ZFPM1: variants seen among roughly 807,000 people sequenced by gnomAD.
The protein encoded by ZFPM1 is zinc finger protein, FOG family member 1.
ZFPM1 carries 28 observed loss-of-function variants against 46.3 expected under a neutral mutation model. The ratio of observed to expected loss-of-function variants is 0.60; its 90% CI spans 0.45 to 0.83. The LOEUF (loss-of-function observed/expected upper bound fraction) is 0.83, where lower values mean the gene tolerates loss of function less well. Ranked by LOEUF, ZFPM1 falls within the 40% of genes least tolerant of loss-of-function variation. ZFPM1 has a pLI of 0.00. For synonymous variants in ZFPM1, 957 were observed against 675.9 expected (o/e 1.42, Z -6.45); for missense variants, 1,878 against 1,432.4 (o/e 1.31, Z -5.02).
At chr16:88,487,312 A>G (rs983481673) in intron 2 of ZFPM1, among the ~76,000 whole-genome samples, 8 of 152,090 alleles carry the variant, frequency 5.3e-5, no homozygotes, top group African/African-American at 1.9e-4. Flanking sequence ...CCAGGCACCA[A>G]TCTCATACCT....
rs376388801 is a variant in ZFPM1, at chr16:88,490,864, T to C, written c.268+1711T>C. On this transcript the variant is annotated intron_variant, in intron 3 of 9. Transcript: ENST00000319555. ...GGGACCGGGCATCCAGCACAGCAGA[T>C]GATGTGACTTGCCCACCTGGGACCC... 1.6e-3 allele frequency among the ~76,000 whole-genome samples: 239 copies of C among 152,242 alleles called. 1 individual carries two copies. Among genetic ancestry groups the C allele is most frequent in the African/African-American group, 5.6e-3 (231 of 41,550 alleles).
At chr16:88,454,387 G>A (rs936192659) in intron 1 of ZFPM1, among the ~76,000 whole-genome samples, 3 of 152,222 alleles carry the variant, frequency 2.0e-5, no homozygotes, top group Non-Finnish European at 4.4e-5. Context: ...ACACCTCCTG[G>A]ACCCTGCAAG....
intron 4 of ZFPM1, among the ~76,000 whole-genome samples, chr16:88,520,546 AAGG>A (rs1466360996): frequency 7.8e-6 from 1 of 128,634 alleles, no homozygotes; most frequent in African/African-American, 3.2e-5. Flanking sequence ...GGGTGGCTGA[AAGG>A]ATGGATGGAT....
chr16:88,533,608 G>T lies in ZFPM1; in HGVS notation c.1650G>T (p.Val550=). 1 of 1,486,010 alleles carries T rather than the reference G, an allele frequency of 6.7e-7. No individual in the cohort carries two copies. Among genetic ancestry groups the T allele is most frequent in the Non-Finnish European group, 8.9e-7 (1 of 1,117,452 alleles). 92.1% of individuals were successfully genotyped at this position (1,486,010 alleles called of 1,614,324 possible). Residue 550 remains valine (V), a synonymous_variant, in exon 10 of 10, where the codon GTG becomes GTT. Coordinates refer to ENST00000319555, the MANE Select transcript of ZFPM1 (RefSeq NM_153813.3). ...SEILAKMSEL[V]HSRLQQGAGA... is the part of the protein sequence containing the mutation. Reference sequence around the variant, plus strand: ...TCCTGGCCAAGATGTCCGAGCTGGTGCACAGCCGGCTGCAGCAGGGCGCGG... The same window carrying T: ...TCCTGGCCAAGATGTCCGAGCTGGTTCACAGCCGGCTGCAGCAGGGCGCGG...
intron 3 of ZFPM1, among the ~76,000 whole-genome samples, chr16:88,503,056 G>T (rs548579000): frequency 1.3e-5 from 2 of 152,244 alleles, no homozygotes; most frequent in African/African-American, 4.8e-5. Flanking sequence ...GCTGCTCCGC[G>T]GGGCAGGGTG....
chr16:88,501,204 GTGA>G lies in ZFPM1; in HGVS notation c.268+12057_268+12059del, dbSNP rs1234037446. Among the ~76,000 whole-genome samples, 337 of 128,532 alleles carry G rather than the reference GTGA, an allele frequency of 2.6e-3. 1 individual carries two copies. Among genetic ancestry groups the G allele is most frequent in the Middle Eastern group, 4.5e-3 (1 of 222 alleles). The allele number at this position is 128,532 out of a possible 152,430, so 84.3% of individuals were successfully genotyped here. ...TGCGGGGGCCCTCCCGCAGGTGCTG[GTGA>G]TGATGGAGATAGCGGGTGTGGGTGC... On this transcript the variant is annotated intron_variant, in intron 3 of 9. Coordinates refer to ENST00000319555, the MANE Select transcript of ZFPM1 (RefSeq NM_153813.3).
At chr16:88,488,012 C>T (rs565255543) in intron 2 of ZFPM1, among the ~76,000 whole-genome samples, 12 of 152,364 alleles carry the variant, frequency 7.9e-5, no homozygotes, top group Middle Eastern at 3.4e-3. Flanking sequence ...GTCCCGGGGC[C>T]GGGCTCTTAA....
intron 3 of ZFPM1, among the ~76,000 whole-genome samples, chr16:88,511,978 G>A (rs1176405344): frequency 2.0e-5 from 3 of 152,086 alleles, no homozygotes; most frequent in Non-Finnish European, 2.9e-5. Flanking sequence ...GAGGCCCCTC[G>A]CCCAGCCCCC....
chr16:88,486,214 G>T (rs1393646844), intron 2 of ZFPM1, among the ~76,000 whole-genome samples, 171 bp downstream of exon 2: 1 of 152,232 alleles, frequency 6.6e-6, no homozygotes, highest in African/African-American at 2.4e-5. Flanking sequence ...CCTCGGTGGG[G>T]CTGGGGGGTC....
intron 5 of ZFPM1, 91 bp from the exon 6 acceptor site, chr16:88,527,941 G>A (rs577028732): frequency 1.9e-5 from 25 of 1,308,198 alleles, no homozygotes; most frequent in Admixed American, 5.7e-5. Context: ...CCGGGTGGCC[G>A]CTCTCCTGAC....
intron 1 of ZFPM1, among the ~76,000 whole-genome samples, chr16:88,468,105 T>C (rs973861741): frequency 0.01 from 531 of 52,594 alleles, 5 homozygotes; most frequent in Middle Eastern, 0.036. Flanking sequence ...CTGACGCACC[T>C]GCGAGCCCAC....
At chr16:88,514,608 TC>T in intron 4 of ZFPM1, 88 bp downstream of exon 4, 1 of 1,414,852 alleles carries the variant, frequency 7.1e-7, no homozygotes, top group Admixed American at 2.6e-5. Flanking sequence ...AGATGCCAGC[TC>T]CGGGGCTCTG....
intron 1 of ZFPM1, among the ~76,000 whole-genome samples, chr16:88,454,437 C>T (rs1433489958): frequency 6.6e-6 from 1 of 152,218 alleles, no homozygotes; most frequent in African/African-American, 2.4e-5. Flanking sequence ...ATGGTGCCCT[C>T]GGATGCCCGC....
rs189751615 is a variant in ZFPM1 at position 88,508,032 on chromosome 16, C to A, written c.269-6355C>A. Among the ~76,000 whole-genome samples the A allele has an allele frequency of 7.0e-3, 1,064 of 152,322 alleles. 13 individuals carry two copies. Among genetic ancestry groups the A allele is most frequent in the African/African-American group, 0.025 (1,026 of 41,564 alleles). On this transcript the variant is annotated intron_variant, in intron 3 of 9. Coordinates refer to ENST00000319555, the MANE Select transcript of ZFPM1 (RefSeq NM_153813.3). ...TGCTGGTGGGCCGGGCACGGTGGCT[C>A]ACACCTGTAATCCCAGCACTTGGGG... is the stretch of plus-strand genomic sequence containing the variant.
intron 7 of ZFPM1, 130 bp downstream of exon 7, chr16:88,532,365 ACCCAGGGCCCC>A: frequency 9.7e-7 from 1 of 1,031,918 alleles, no homozygotes; most frequent in East Asian, 2.6e-5. Context: ...TCTCCGGCAC[ACCCAGGGCCCC>A]CGCAGGGGCC....
chr16:88,508,134 TA>T (rs1488040397), intron 3 of ZFPM1, among the ~76,000 whole-genome samples: 1 of 152,006 alleles, frequency 6.6e-6, no homozygotes, highest in Non-Finnish European at 1.5e-5. Context: ...CCTTCTTTAC[TA>T]AAAATACAAA....
At chr16:88,529,996 G>A (rs1912659570) in intron 6 of ZFPM1, among the ~76,000 whole-genome samples, 1 of 152,200 alleles carries the variant, frequency 6.6e-6, no homozygotes, top group Non-Finnish European at 1.5e-5. Flanking sequence ...CAGGGAGCCA[G>A]GAGGTCAGAA....
chr16:88,500,208 C>A (rs993033941), intron 3 of ZFPM1, among the ~76,000 whole-genome samples: 1 of 152,170 alleles, frequency 6.6e-6, no homozygotes, highest in African/African-American at 2.4e-5. Context: ...GCAGGCCCAC[C>A]AGAGTCACCT....
intron 3 of ZFPM1, among the ~76,000 whole-genome samples, chr16:88,496,790 G>A (rs1389703349): frequency 1.3e-5 from 2 of 152,188 alleles, no homozygotes; most frequent in African/African-American, 2.4e-5. Context: ...TTTCCTGTGA[G>A]GGGGGCTCTC....
Sources: gnomAD v4.1 joint callset for allele counts (sites outside exome capture counted in the v4.1 genomes callset) on GRCh38, gnomAD v4.1.1 for gene constraint, MANE v1.5 for transcripts, NCBI Gene and HGNC (gene_info 2026-07-23, HGNC 2026-07-21) for gene names.